The following RORA variants were observed in gnomAD, a reference collection of about 807,000 sequenced individuals.
RORA encodes nuclear receptor ROR-alpha.
A neutral mutation model predicts 69.5 loss-of-function variants in RORA; 7 were observed. The observed-to-expected ratio is 0.10, with a 90% CI of 0.06 to 0.19. The LOEUF is 0.19. RORA is among the 10% of genes least tolerant of loss of function. The probability of loss-of-function intolerance (pLI) is 1.00; values close to 1 mark genes in which losing one functional copy is unlikely to be tolerated. For missense variants in RORA, 457 were observed against 663.0 expected (o/e 0.69, Z 3.41); for synonymous variants, 261 against 240.8 (o/e 1.08, Z -0.78).
At chr15:60,827,674 G>C (rs1456353421) in intron 1 of RORA, among the ~76,000 whole-genome samples, 4 of 152,158 alleles carry the variant, frequency 2.6e-5, no homozygotes, top group African/African-American at 9.7e-5. Context: ...TGGGAGAGAG[G>C]GGGCTCCTGA....
intron 1 of RORA, among the ~76,000 whole-genome samples, chr15:61,170,057 C>A (rs1245435146): frequency 2.0e-5 from 3 of 152,166 alleles, no homozygotes; most frequent in Non-Finnish European, 2.9e-5. Flanking sequence ...AGCTGTGTGA[C>A]CCAAGGTGAG....
chr15:61,191,365 C>A (rs1259877749), intron 1 of RORA, among the ~76,000 whole-genome samples: 5 of 136,578 alleles, frequency 3.7e-5, no homozygotes, highest in African/African-American at 8.1e-5. Flanking sequence ...CTCCTTGTAG[C>A]AAAAAAAAAA....
intron 2 of RORA, among the ~76,000 whole-genome samples, chr15:60,632,445 A>C (rs192113234): frequency 6.6e-6 from 1 of 152,264 alleles, no homozygotes; most frequent in East Asian, 1.9e-4. Context: ...AGATAGACTT[A>C]GGTGTAGGTT....
At chr15:60,665,970 C>A (rs2070374156) in intron 2 of RORA, among the ~76,000 whole-genome samples, 1 of 152,118 alleles carries the variant, frequency 6.6e-6, no homozygotes, top group Non-Finnish European at 1.5e-5. Context: ...CCACTGTACC[C>A]AGCCTATTCT....
At chr15:60,993,666 A>AAAAAAT (rs1894450072) in intron 1 of RORA, among the ~76,000 whole-genome samples, 1 of 144,000 alleles carries the variant, frequency 6.9e-6, no homozygotes, top group East Asian at 2.0e-4. Flanking sequence ...AAAAAAAAAA[A>AAAAAAT]GACCTGGGAT....
intron 2 of RORA, among the ~76,000 whole-genome samples, chr15:60,624,523 A>ATT (rs1323802957): frequency 7.7e-6 from 1 of 129,222 alleles, no homozygotes; most frequent in African/African-American, 3.0e-5. Flanking sequence ...GTATATATAT[A>ATT]TATAGTATAT....
At chr15:60,898,804 G>A (rs1032161355) in intron 1 of RORA, among the ~76,000 whole-genome samples, 1 of 152,200 alleles carries the variant, frequency 6.6e-6, no homozygotes, top group African/African-American at 2.4e-5. Flanking sequence ...AGGCTGGATG[G>A]TGAAGTGCTC....
chr15:60,678,308 G>T (rs2070585434), intron 2 of RORA: 1 of 178,390 alleles, frequency 5.6e-6, no homozygotes, highest in South Asian at 1.7e-4. Context: ...AAGAAATCAA[G>T]GTGATGTTTC....
At chr15:60,879,459 C>T (rs1051751417) in intron 1 of RORA, among the ~76,000 whole-genome samples, 1 of 152,096 alleles carries the variant, frequency 6.6e-6, no homozygotes, top group Non-Finnish European at 1.5e-5. Flanking sequence ...ATATTAGCTG[C>T]TCGTGTTAGT....
chr15:61,054,234 C>A (rs528095106), intron 1 of RORA, among the ~76,000 whole-genome samples: 1 of 149,360 alleles, frequency 6.7e-6, no homozygotes, highest in Non-Finnish European at 1.5e-5. Flanking sequence ...TTTTCCTGAA[C>A]ACAAGAGGAA....
intron 1 of RORA, among the ~76,000 whole-genome samples, chr15:60,850,241 G>A (rs190579504): frequency 6.6e-6 from 1 of 152,282 alleles, no homozygotes; most frequent in Admixed American, 6.5e-5. Flanking sequence ...CCAAAGATGA[G>A]CCAGCAAGGG....
intron 1 of RORA, among the ~76,000 whole-genome samples, chr15:60,874,732 T>C (rs143128551): frequency 6.6e-6 from 1 of 152,332 alleles, no homozygotes; most frequent in East Asian, 1.9e-4. Context: ...AAAAAGGACA[T>C]CCACTTATTT....
intron 1 of RORA, among the ~76,000 whole-genome samples, chr15:60,745,895 C>T (rs756926223): frequency 6.6e-6 from 1 of 152,124 alleles, no homozygotes; most frequent in African/African-American, 2.4e-5. Flanking sequence ...TCTTTTAAAG[C>T]CGCTTAATTT....
Position 60,598,992 on chromosome 15 carries a change from T to G in RORA, c.197-67141A>C, listed in dbSNP as rs112200004. Among the ~76,000 whole-genome samples the G allele has an allele frequency of 4.0e-3, 608 of 152,308 alleles. 6 individuals carry two copies. The highest frequency in any genetic ancestry group is 0.014 in the African/African-American group (581 of 41,570). ...CAAAAATCAAGGTATCAGTCTATCC[T>G]CCAAGGAGCTTGCAATCTAGTAGGA... On this transcript the variant is annotated intron_variant, in intron 2 of 10. Transcript: ENST00000335670.
At chr15:60,627,764 A>T (rs1473486775) in intron 2 of RORA, among the ~76,000 whole-genome samples, 1 of 152,060 alleles carries the variant, frequency 6.6e-6, no homozygotes, top group Non-Finnish European at 1.5e-5. Context: ...ATCCCTCAAA[A>T]CCCAGCTCCA....
At chr15:60,567,463 G>A (rs770134453) in intron 2 of RORA, among the ~76,000 whole-genome samples, 21 of 151,026 alleles carry the variant, frequency 1.4e-4, no homozygotes, top group Admixed American at 3.3e-4. Context: ...CCAGGCTGGC[G>A]TGCAGTGGTG....
intron 2 of RORA, among the ~76,000 whole-genome samples, chr15:60,546,953 C>G (rs1006176600): frequency 6.6e-6 from 1 of 152,174 alleles, no homozygotes. Context: ...TCACTGCTTG[C>G]GTAGCATTTT....
chr15:61,196,161 T>C (rs1384544492), intron 1 of RORA, among the ~76,000 whole-genome samples: 1 of 152,258 alleles, frequency 6.6e-6, no homozygotes, highest in East Asian at 1.9e-4. Flanking sequence ...AAAAGTTACG[T>C]AATTTTGCCC....
At chr15:60,893,015 C>T (rs1416021631) in intron 1 of RORA, among the ~76,000 whole-genome samples, 1 of 152,186 alleles carries the variant, frequency 6.6e-6, no homozygotes, top group East Asian at 1.9e-4. Context: ...TTTGGGATTC[C>T]AGATGAATTC....
Sources: gnomAD v4.1 joint callset for allele counts (sites outside exome capture counted in the v4.1 genomes callset) on GRCh38, gnomAD v4.1.1 for gene constraint, MANE v1.5 for transcripts, NCBI Gene and HGNC (gene_info 2026-07-23, HGNC 2026-07-21) for gene names.